DRC12: variants seen among roughly 807,000 people sequenced by gnomAD.
DRC12 encodes dynein regulatory complex subunit 12 homolog, also known as dynein regulatory complex protein 12.
At chr11:119,191,499 AGGTGC>A in the DRC12 span, among the ~76,000 whole-genome samples, 8 of 151,564 alleles carry the variant, frequency 5.3e-5, no homozygotes, top group Non-Finnish European at 1.0e-4. Context: ...AGTATACAGG[AGGTGC>A]TCAGTAAACA....
the DRC12 span, chr11:119,194,858 G>C: frequency 5.5e-5 from 68 of 1,230,466 alleles, no homozygotes; most frequent in Non-Finnish European, 7.0e-5. Flanking sequence ...CAATCCCCCA[G>C]GATACAGAAA....
At chr11:119,195,160 C>T in the DRC12 span, 48 of 640,844 alleles carry the variant, frequency 7.5e-5, no homozygotes, top group African/African-American at 4.9e-4. Context: ...GTGTCCTCAC[C>T]GACCAGCACA....
the DRC12 span, chr11:119,195,723 A>C: frequency 2.0e-6 from 1 of 499,030 alleles, no homozygotes; most frequent in Non-Finnish European, 3.6e-6. Context: ...ATTCCTTGCA[A>C]CTCTCTTTTA....
At chr11:119,193,811 C>G in the DRC12 span, 4 of 1,551,702 alleles carry the variant, frequency 2.6e-6, no homozygotes, top group East Asian at 2.4e-5. Context: ...TCCAGCTCAG[C>G]CTCCACCCCT....
At chr11:119,194,542 A>AAAAAAAAAT in the DRC12 span, among the ~76,000 whole-genome samples, 5 of 48,208 alleles carry the variant, frequency 1.0e-4, no homozygotes, top group African/African-American at 4.3e-4. Context: ...AAAAAAAAAA[A>AAAAAAAAAT]AAATAAATAA....
At chr11:119,191,272 G>A in the DRC12 span, among the ~76,000 whole-genome samples, 2 of 151,628 alleles carry the variant, frequency 1.3e-5, no homozygotes, top group Non-Finnish European at 2.9e-5. Flanking sequence ...GCTAATCTTC[G>A]AATTTTTAGT....
At chr11:119,195,031 A>G in the DRC12 span, 12 of 1,511,244 alleles carry the variant, frequency 7.9e-6, no homozygotes, top group Non-Finnish European at 1.1e-5. Flanking sequence ...GCTCTTCATG[A>G]TCTCAGCATT....
chr11:119,194,789 C>A, the DRC12 span: 34 of 570,914 alleles, frequency 6.0e-5, no homozygotes, highest in Non-Finnish European at 7.3e-5. Flanking sequence ...CTCTCATCAT[C>A]TTTTTCCACT....
At chr11:119,191,831 A>C in the DRC12 span, among the ~76,000 whole-genome samples, 1 of 152,066 alleles carries the variant, frequency 6.6e-6, no homozygotes, top group South Asian at 2.1e-4. Flanking sequence ...AAAAACAAAA[A>C]AATCCCCAAA....
the DRC12 span, chr11:119,193,610 G>T: frequency 6.9e-7 from 1 of 1,442,926 alleles, no homozygotes; most frequent in Non-Finnish European, 9.1e-7. Flanking sequence ...TTTGGTTCCT[G>T]CAGGATCCTT....
At chr11:119,194,541 A>AG in the DRC12 span, among the ~76,000 whole-genome samples, 528 of 65,996 alleles carry the variant, frequency 8.0e-3, 92 homozygotes, top group African/African-American at 0.029. Context: ...AAAAAAAAAA[A>AG]AAAATAAATA....
chr11:119,193,949 C>T, the DRC12 span: 18 of 1,498,774 alleles, frequency 1.2e-5, no homozygotes, highest in Middle Eastern at 3.5e-4. Context: ...CCCCCATGAA[C>T]GTGATGGACT....
the DRC12 span, chr11:119,190,509 G>A: frequency 1.2e-6 from 2 of 1,604,788 alleles, no homozygotes; most frequent in Non-Finnish European, 8.5e-7. The surrounding 1 kb of genome is among the most constrained non-coding windows in gnomAD (Gnocchi z 4.2). Context: ...AGTGAGTGCT[G>A]CCCCAGGTTG....
the DRC12 span, chr11:119,193,554 G>A: frequency 2.1e-5 from 30 of 1,424,832 alleles, no homozygotes; most frequent in Admixed American, 2.9e-5. Context: ...CATGGCACCA[G>A]GCATCCTGGA....
the DRC12 span, chr11:119,193,361 G>C: frequency 1.1e-6 from 1 of 913,116 alleles, no homozygotes; most frequent in South Asian, 1.4e-5. Flanking sequence ...GAGCACAAAG[G>C]CCTTCTTGGT....
the DRC12 span, chr11:119,193,865 G>A: frequency 2.1e-5 from 33 of 1,551,316 alleles, no homozygotes; most frequent in African/African-American, 2.1e-4. Context: ...TTGGCTCGAC[G>A]GGCTTCATCC....
chr11:119,193,986 G>T, the DRC12 span: 1 of 1,203,744 alleles, frequency 8.3e-7, no homozygotes, highest in Non-Finnish European at 1.2e-6. Flanking sequence ...ATCTGGTGGT[G>T]GGGTGTCCAG....
the DRC12 span, chr11:119,195,641 C>T: frequency 7.9e-6 from 5 of 636,724 alleles, 1 homozygote; most frequent in East Asian, 1.1e-4. Flanking sequence ...TCTTTGGAAC[C>T]TCAGACAGGG....
the DRC12 span, chr11:119,194,829 C>G: frequency 5.6e-6 from 5 of 897,992 alleles, no homozygotes; most frequent in African/African-American, 3.3e-5. Context: ...CTTAACCCCC[C>G]ACCATACCTC....
Sources: allele counts gnomAD v4.1 joint callset (sites outside exome capture counted in the v4.1 genomes callset), GRCh38; gene constraint gnomAD v4.1.1; non-coding constraint Gnocchi (gnomAD v3.1); transcripts MANE v1.5; gene names NCBI Gene and HGNC (gene_info 2026-07-23, HGNC 2026-07-21).